The following ANKRD11 variants were observed in gnomAD, a reference collection of about 807,000 sequenced individuals.
The protein encoded by ANKRD11 is ankyrin repeat domain 11.
A neutral mutation model predicts 195.7 loss-of-function variants in ANKRD11; 17 were observed. The observed-to-expected ratio is 0.09, with a 90% CI of 0.06 to 0.13. The LOEUF (loss-of-function observed/expected upper bound fraction) is 0.13, where lower values mean the gene tolerates loss of function less well. ANKRD11 is among the 10% of genes least tolerant of loss of function. The probability of loss-of-function intolerance (pLI) is 1.00; values close to 1 mark genes in which losing one functional copy is unlikely to be tolerated. For synonymous variants in ANKRD11, 1,953 were observed against 1,528.1 expected, an observed-to-expected ratio of 1.28 and a Z score of -6.49; for missense variants, 3,735 against 3,566.1, an observed-to-expected ratio of 1.05 and a Z score of -1.21.
At chr16:89,323,112 G>A (rs996897664) in intron 2 of ANKRD11, 1 of 320,952 alleles carries the variant, frequency 3.1e-6, no homozygotes, top group African/African-American at 2.2e-5. Context: ...AGCCCTGCCG[G>A]CTGTTGTGCG....
chr16:89,489,225 ACGCGCGCGCG>A (rs35997704), intron 1 of ANKRD11: 152 of 148,964 alleles, frequency 1.0e-3, no homozygotes, highest in Non-Finnish European at 1.2e-3. Flanking sequence ...ACACACACAC[ACGCGCGCGCG>A]CGCGCGCGCG....
rs566680842 is a variant in ANKRD11 at position 89,457,634 on chromosome 16, A to G, written c.-145+32611T>C. ...AATTCCATTCATATGAAATTCTAAAATAAGCAAAACTAATCCACAATAACA... is the reference window on the plus strand; with the variant it reads ...AATTCCATTCATATGAAATTCTAAAGTAAGCAAAACTAATCCACAATAACA... On this transcript the variant is annotated intron_variant, in intron 1 of 12. Coordinates refer to ENST00000301030, the MANE Select transcript of ANKRD11 (RefSeq NM_013275.6). Among the ~76,000 whole-genome samples, 13 of 152,136 alleles carry G rather than the reference A, an allele frequency of 8.5e-5. 1 individual carries two copies. The highest frequency in any genetic ancestry group is 2.9e-4 in the African/African-American group (12 of 41,524).
chr16:89,413,959 A>G (rs1046465828), intron 2 of ANKRD11, among the ~76,000 whole-genome samples: 5 of 152,138 alleles, frequency 3.3e-5, no homozygotes, highest in African/African-American at 1.2e-4. Context: ...GGACCCCAGC[A>G]CAGCAACAGC....
chr16:89,314,131 G>C (rs2036792073), intron 3 of ANKRD11, among the ~76,000 whole-genome samples: 1 of 152,168 alleles, frequency 6.6e-6, no homozygotes, highest in Non-Finnish European at 1.5e-5. Flanking sequence ...GGCTGAAGTA[G>C]GAGGACTGCT....
At position 89,282,079 on chromosome 16, in the gene ANKRD11, T is replaced by G. The variant is rs1024994586; in HGVS notation, c.4463A>C (p.His1488Pro). Residue 1488 changes from histidine (H) to proline (P), a missense_variant, in exon 9 of 13, where the codon CAC becomes CCC. His to Pro is a moderately conservative substitution (Grantham distance 77). Transcript: ENST00000301030. ...GTGATGCCGCAGGAGCTCGTCCCTG[T>G]GATGCCGCAGCAGCCCATCCGCATG... The part of the protein sequence containing the change: ...DRHADGLLRH[H>P]RDELLRHHRD... 2 of 1,613,878 alleles carry G rather than the reference T, an allele frequency of 1.2e-6. No individual in the cohort carries two copies.
Position 89,418,494 on chromosome 16 carries a change from C to T in ANKRD11, c.-144-126G>A. The T allele has an allele frequency of 9.7e-6, 3 of 307,746 alleles. No individual in the cohort carries two copies. In the Admixed American group the frequency reaches 1.2e-4, roughly 13 times the overall value. 19.1% of individuals were successfully genotyped at this position (307,746 alleles called of 1,614,324 possible). ...ATCGCCCTTCCTCTCCCATGACCCACTGCTCAGCTCCTGGTCACTGTGCCA... is the reference window on the plus strand; with the variant it reads ...ATCGCCCTTCCTCTCCCATGACCCATTGCTCAGCTCCTGGTCACTGTGCCA... On this transcript the variant is annotated intron_variant, in intron 1 of 12. Coordinates refer to ENST00000301030, the MANE Select transcript of ANKRD11 (RefSeq NM_013275.6).
At chr16:89,452,374 C>A (rs1395540458) in intron 1 of ANKRD11, among the ~76,000 whole-genome samples, 1 of 152,222 alleles carries the variant, frequency 6.6e-6, no homozygotes, top group Non-Finnish European at 1.5e-5. Flanking sequence ...GAGGACCAAC[C>A]ATGCCTGGTG....
chr16:89,280,812 G>T lies in ANKRD11; in HGVS notation c.5730C>A (p.Asp1910Glu), dbSNP rs750468331. The T allele has an allele frequency of 1.9e-6, 3 of 1,604,908 alleles. No individual in the cohort carries two copies. Among genetic ancestry groups the T allele is most frequent in the South Asian group, 2.2e-5 (2 of 90,794 alleles). The change falls in exon 9 of 13, where the codon GAC becomes GAA. Residue 1910 changes from aspartate to glutamate, a missense_variant. By Grantham distance (45) the Asp-to-Glu change is conservative. Transcript: ENST00000301030. Reference sequence around the variant, plus strand: ...CCTGCTGGTCCTCGGAGGTGTCCAGGTCCGGGGGAAGGGCCCCTTCGAGGG... The same window carrying T: ...CCTGCTGGTCCTCGGAGGTGTCCAGTTCCGGGGGAAGGGCCCCTTCGAGGG... ...VPSLEGALPP[D>E]LDTSEDQQAT...
At chr16:89,411,190 C>T (rs141098782) in intron 2 of ANKRD11, among the ~76,000 whole-genome samples, 62 of 152,392 alleles carry the variant, frequency 4.1e-4, no homozygotes, top group African/African-American at 1.4e-3. Flanking sequence ...GCCTCCATGA[C>T]GGTGCCCTCC....
At chr16:89,403,076 C>T (rs1597296818) in intron 2 of ANKRD11, among the ~76,000 whole-genome samples, 2 of 152,300 alleles carry the variant, frequency 1.3e-5, no homozygotes, top group African/African-American at 2.4e-5. Context: ...TGGCCTGGAA[C>T]GCTGCTGTCA....
At chr16:89,423,589 G>C (rs2042599909) in intron 1 of ANKRD11, among the ~76,000 whole-genome samples, 1 of 152,228 alleles carries the variant, frequency 6.6e-6, no homozygotes, top group Admixed American at 6.5e-5. Context: ...GGTGGTGCCT[G>C]CAGCAGCAGG....
rs577976648 is a variant in ANKRD11 at position 89,374,009 on chromosome 16, G to T, written c.-60+44275C>A. ...GGTCTGACGACCACAATACCTGCAGGACAGGAGCTCCGCACTTCTGCAAAG... is the reference window on the plus strand; with the variant it reads ...GGTCTGACGACCACAATACCTGCAGTACAGGAGCTCCGCACTTCTGCAAAG... On this transcript the variant is annotated intron_variant, in intron 2 of 12. Transcript: ENST00000301030. Among the ~76,000 whole-genome samples, 14 of 152,332 alleles carry T rather than the reference G, an allele frequency of 9.2e-5. 1 individual carries two copies. Among genetic ancestry groups the T allele is most frequent in the African/African-American group, 3.1e-4 (13 of 41,586 alleles).
intron 1 of ANKRD11, among the ~76,000 whole-genome samples, chr16:89,427,453 A>G (rs1185653694): frequency 2.0e-5 from 3 of 152,232 alleles, no homozygotes; most frequent in African/African-American, 7.2e-5. Context: ...CAACTTACAG[A>G]ACTATACAAC....
intron 11 of ANKRD11, 142 bp from the exon 12 acceptor site, chr16:89,271,051 C>G: frequency 1.3e-6 from 1 of 770,494 alleles, no homozygotes; most frequent in South Asian, 1.5e-5. Flanking sequence ...CACACTGAAT[C>G]ATGTTCAAGG....
intron 4 of ANKRD11, among the ~76,000 whole-genome samples, chr16:89,304,478 A>G (rs998064047): frequency 1.3e-5 from 2 of 151,920 alleles, no homozygotes; most frequent in Non-Finnish European, 2.9e-5. Context: ...ACATGGGCAC[A>G]CATACACGGG....
rs757907817 is a variant in ANKRD11, at chr16:89,372,097, G to A, written c.-60+46187C>T. Among the ~76,000 whole-genome samples, 15 of 152,206 alleles carry A rather than the reference G, an allele frequency of 9.9e-5. 1 individual carries two copies. In the South Asian group the frequency reaches 2.5e-3, roughly 25 times the overall value. ...ACTGAGGAACCACAAGGACCACCAC[G>A]GCGGGCACCCGGCCCTCGCATGCAC... is the stretch of plus-strand genomic sequence containing the variant. On this transcript the variant is annotated intron_variant, in intron 2 of 12. Coordinates refer to ENST00000301030, the MANE Select transcript of ANKRD11 (RefSeq NM_013275.6).
At chr16:89,421,705 C>T (rs2930217) in intron 1 of ANKRD11, among the ~76,000 whole-genome samples, 9 of 76,474 alleles carry the variant, frequency 1.2e-4, no homozygotes, top group Admixed American at 5.4e-4. Flanking sequence ...CACCCGTCCA[C>T]GTCTGGGGGT....
At chr16:89,470,805 CG>C (rs1439204660) in intron 1 of ANKRD11, among the ~76,000 whole-genome samples, 1 of 151,634 alleles carries the variant, frequency 6.6e-6, no homozygotes, top group African/African-American at 2.4e-5. Flanking sequence ...CTGGCTAACA[CG>C]GTGAAACCCC....
chr16:89,300,906 C>T lies in ANKRD11; in HGVS notation c.226+4300G>A, dbSNP rs142754793. Reference sequence around the variant, plus strand: ...GAGGGCAGGCAGCTTCGGCCCATGGCGCTCCTGACGAGGGCTCCCTCGTGG... The same window carrying T: ...GAGGGCAGGCAGCTTCGGCCCATGGTGCTCCTGACGAGGGCTCCCTCGTGG... On this transcript the variant is annotated intron_variant, in intron 4 of 12. Coordinates refer to ENST00000301030, the MANE Select transcript of ANKRD11 (RefSeq NM_013275.6). 657 of 701,276 alleles carry T rather than the reference C, an allele frequency of 9.4e-4. 1 individual carries two copies. Among genetic ancestry groups the T allele is most frequent in the Non-Finnish European group, 1.3e-3 (488 of 384,268 alleles). The allele number at this position is 701,276 out of a possible 1,614,324, so 43.4% of individuals were successfully genotyped here.
Sources: gnomAD v4.1 joint callset for allele counts (sites outside exome capture counted in the v4.1 genomes callset) on GRCh38, gnomAD v4.1.1 for gene constraint, MANE v1.5 for transcripts, NCBI Gene and HGNC (gene_info 2026-07-23, HGNC 2026-07-21) for gene names.